Variants in ULK4 observed in about 807,000 individuals in gnomAD.
The protein encoded by ULK4 is unc-51 like kinase 4, also known as inactive serine/threonine-protein kinase ULK4.
A neutral mutation model predicts 160.6 loss-of-function variants in ULK4; 133 were observed. That is an observed-to-expected ratio of 0.83 (90% CI 0.72 to 0.96). ULK4 has a LOEUF of 0.96. ULK4 is among the 40% of genes least tolerant of loss of function. The probability of loss-of-function intolerance (pLI) is 0.00; values close to 1 mark genes in which losing one functional copy is unlikely to be tolerated. For synonymous variants in ULK4, 534 were observed against 539.8 expected (o/e 0.99, Z 0.15); for missense variants, 1,580 against 1,499.5 (o/e 1.05, Z -0.89).
At position 41,573,652 on chromosome 3, in the gene ULK4, C is replaced by T. The variant is rs1178675812; in HGVS notation, c.3121-7522G>A. Among the ~76,000 whole-genome samples the T allele has an allele frequency of 3.9e-5, 6 of 152,264 alleles. 1 individual carries two copies. In the East Asian group the frequency reaches 1.2e-3, roughly 29 times the overall value. ...GCACACACACGTGTTGGGCACGCAG[C>T]ATCTACAATTTCTTAAAAATACATA... is the stretch of plus-strand genomic sequence containing the variant. On this transcript the variant is annotated intron_variant, in intron 31 of 36. Transcript: ENST00000301831.
intron 5 of ULK4, among the ~76,000 whole-genome samples, chr3:41,922,621 G>T (rs1296330217): frequency 1.4e-5 from 2 of 147,230 alleles, no homozygotes; most frequent in Non-Finnish European, 3.0e-5. Flanking sequence ...GGTGAGGGGG[G>T]TGGCAAGGTG....
At chr3:41,647,466 C>A (rs543203733) in intron 30 of ULK4, among the ~76,000 whole-genome samples, 2 of 152,284 alleles carry the variant, frequency 1.3e-5, no homozygotes, top group Non-Finnish European at 2.9e-5. Context: ...CACTCCAGAC[C>A]CTGTTTGCCT....
chr3:41,688,653 G>A (rs2036180458), intron 27 of ULK4, among the ~76,000 whole-genome samples: 1 of 152,132 alleles, frequency 6.6e-6, no homozygotes, highest in African/African-American at 2.4e-5. Flanking sequence ...TATCAGCTGA[G>A]GTCACCCTAA....
chr3:41,774,049 T>C (rs991459896), intron 21 of ULK4, among the ~76,000 whole-genome samples: 10 of 152,184 alleles, frequency 6.6e-5, no homozygotes, highest in Non-Finnish European at 1.3e-4. Context: ...ATCCCTTCCT[T>C]ACACCTTATA....
intron 35 of ULK4, among the ~76,000 whole-genome samples, chr3:41,348,839 C>T (rs1490095873): frequency 6.6e-6 from 1 of 152,110 alleles, no homozygotes; most frequent in East Asian, 1.9e-4. Context: ...GGTTTGGCTG[C>T]ACCTCGCCAG....
intron 21 of ULK4, among the ~76,000 whole-genome samples, chr3:41,767,730 T>G (rs577727907): frequency 3.3e-5 from 5 of 152,122 alleles, no homozygotes; most frequent in Non-Finnish European, 7.4e-5. Context: ...AAATCTTACA[T>G]ACAGCTGGTA....
At chr3:41,585,410 T>G (rs1054991009) in intron 31 of ULK4, among the ~76,000 whole-genome samples, 1 of 152,060 alleles carries the variant, frequency 6.6e-6, no homozygotes, top group African/African-American at 2.4e-5. Context: ...GCTCACACAA[T>G]GGGAAAATGA....
intron 22 of ULK4, among the ~76,000 whole-genome samples, chr3:41,720,000 C>A (rs2037395327): frequency 6.6e-6 from 1 of 152,164 alleles, no homozygotes; most frequent in Non-Finnish European, 1.5e-5. Flanking sequence ...CTTCTCTTCC[C>A]TCTTTGCCAA....
intron 5 of ULK4, among the ~76,000 whole-genome samples, chr3:41,922,664 T>C (rs1276029563): frequency 6.6e-6 from 1 of 151,808 alleles, no homozygotes; most frequent in Non-Finnish European, 1.5e-5. Flanking sequence ...TGAGAACTGT[T>C]AGTCTGGGTC....
chr3:41,406,445 A>G (rs1295908813), intron 34 of ULK4, among the ~76,000 whole-genome samples: 1 of 152,192 alleles, frequency 6.6e-6, no homozygotes, highest in Non-Finnish European at 1.5e-5. Flanking sequence ...TGCTTTAGCT[A>G]TTTGAGCTCT....
chr3:41,622,549 AACAC>A (rs10576236), intron 30 of ULK4, among the ~76,000 whole-genome samples: 47,493 of 151,700 alleles, frequency 0.31, 10,013 homozygotes, highest in African/African-American at 0.6. Context: ...AAACAATGAG[AACAC>A]ACACATGGAC....
intron 32 of ULK4, among the ~76,000 whole-genome samples, chr3:41,523,168 C>A (rs1168905195): frequency 6.6e-6 from 1 of 152,166 alleles, no homozygotes; most frequent in African/African-American, 2.4e-5. Context: ...CTCAGCCTCC[C>A]AAAGTGCTAG....
intron 32 of ULK4, among the ~76,000 whole-genome samples, chr3:41,528,968 C>A (rs2086212259): frequency 1.3e-5 from 2 of 152,152 alleles, no homozygotes; most frequent in African/African-American, 4.8e-5. Flanking sequence ...CATGTACCTC[C>A]AAACCTAAAA....
At position 41,308,147 on chromosome 3, in the gene ULK4, A is replaced by G. The variant is rs143562832; in HGVS notation, c.3679-58573T>C. ...CTAAATGTCCCTGACATCAGCAGCT[A>G]TGGCCTGGCTTGTATATGGTTTGGT... On this transcript the variant is annotated intron_variant, in intron 35 of 36. Coordinates refer to ENST00000301831, the MANE Select transcript of ULK4 (RefSeq NM_017886.4). 6.4e-4 allele frequency among the ~76,000 whole-genome samples: 98 copies of G among 152,234 alleles called. No individual in the cohort carries two copies. The Middle Eastern group carries it at 0.01, about 16-fold the overall frequency.
At chr3:41,859,164 A>G (rs2683698) in intron 17 of ULK4, among the ~76,000 whole-genome samples, 11,253 of 152,262 alleles carry the variant, frequency 0.074, 1,318 homozygotes, top group African/African-American at 0.25. Context: ...AAAGTGTAAA[A>G]AAGTGAAGGA....
At chr3:41,560,441 A>G (rs913203788) in intron 32 of ULK4, among the ~76,000 whole-genome samples, 1 of 152,162 alleles carries the variant, frequency 6.6e-6, no homozygotes, top group Non-Finnish European at 1.5e-5. Flanking sequence ...TGAATCTATA[A>G]ATTACCTTGG....
chr3:41,782,751 A>C (rs1391438810), intron 21 of ULK4, among the ~76,000 whole-genome samples: 2 of 152,216 alleles, frequency 1.3e-5, no homozygotes, highest in East Asian at 3.8e-4. Context: ...TAGTAACTTT[A>C]TTTAAAAGTT....
intron 32 of ULK4, among the ~76,000 whole-genome samples, chr3:41,526,462 C>T (rs1428878411): frequency 1.3e-5 from 2 of 152,188 alleles, no homozygotes; most frequent in African/African-American, 4.8e-5. Context: ...TAATGTGCTT[C>T]CTGAGATCAC....
chr3:41,955,512 A>T (rs2148846911), intron 1 of ULK4: 1 of 152,664 alleles, frequency 6.6e-6, no homozygotes, highest in East Asian at 1.9e-4. Flanking sequence ...AATGGGAGCA[A>T]GCCTGGCCCA....
Sources: allele counts gnomAD v4.1 joint callset (sites outside exome capture counted in the v4.1 genomes callset), GRCh38; gene constraint gnomAD v4.1.1; transcripts MANE v1.5; gene names NCBI Gene and HGNC (gene_info 2026-07-23, HGNC 2026-07-21).